Variants in CSNK2A2 observed in about 807,000 individuals in gnomAD.
CSNK2A2 encodes casein kinase II subunit alpha'.
CSNK2A2 carries 8 observed loss-of-function variants against 54.0 expected under a neutral mutation model. The observed-to-expected ratio is 0.15, with a 90% confidence interval of 0.09 to 0.27. The LOEUF is 0.27. Ranked by LOEUF, CSNK2A2 falls within the 10% of genes least tolerant of loss-of-function variation. The pLI is 1.00. For synonymous variants in CSNK2A2, 141 were observed against 153.9 expected, an observed-to-expected ratio of 0.92 and a Z score of 0.62; for missense variants, 242 against 439.4, an observed-to-expected ratio of 0.55 and a Z score of 4.02.
At chr16:58,161,320 G>A (rs1455512923) in intron 11 of CSNK2A2, 2 of 152,174 alleles carry the variant, frequency 1.3e-5, no homozygotes, top group Admixed American at 6.6e-5. Context: ...TACCTGAGAT[G>A]ATAGTATAAC....
At chr16:58,174,600 A>G in intron 4 of CSNK2A2, 90 bp from the exon 5 acceptor site, 1 of 910,516 alleles carries the variant, frequency 1.1e-6, no homozygotes, top group Non-Finnish European at 1.7e-6. Flanking sequence ...CTTATTTGAT[A>G]CTTAAGTGAC....
At chr16:58,177,574 C>G (rs1231408992) in intron 4 of CSNK2A2, among the ~76,000 whole-genome samples, 1 of 152,128 alleles carries the variant, frequency 6.6e-6, no homozygotes, top group Non-Finnish European at 1.5e-5. Context: ...TCACCATGAG[C>G]CACAGATCTG....
chr16:58,165,767 T>C, intron 9 of CSNK2A2, 59 bp from the exon 10 acceptor site: 1 of 1,550,618 alleles, frequency 6.4e-7, no homozygotes, highest in Non-Finnish European at 8.7e-7. Context: ...AATCCTTATC[T>C]ACTAGGGCTA....
chr16:58,165,299 G>C (rs2242445), intron 10 of CSNK2A2, among the ~76,000 whole-genome samples: 1 of 152,050 alleles, frequency 6.6e-6, no homozygotes, highest in Non-Finnish European at 1.5e-5. Context: ...AGAAACTTGC[G>C]ATCTATTAAC....
At position 58,186,652 on chromosome 16, in the gene CSNK2A2, C is replaced by T. The variant is rs150965246; in HGVS notation, c.318+103G>A. On this transcript the variant is annotated intron_variant, in intron 3 of 11. Coordinates refer to ENST00000262506, the MANE Select transcript of CSNK2A2 (RefSeq NM_001896.4). ...ACCAGTCAGTAGTTAAAGACAAACA[C>T]CACCATCCCCACTGTATCATTACGT... 1.3e-4 allele frequency: 103 copies of T among 787,074 alleles called. 1 individual carries two copies. In the East Asian group the frequency reaches 1.9e-3, roughly 14 times the overall value. 48.8% of individuals were successfully genotyped at this position (787,074 alleles called of 1,614,324 possible).
At position 58,197,749 on chromosome 16, in the gene CSNK2A2, C is replaced by CG; in HGVS notation, c.-14dup. ...CCGGGCCGGGCATGGCGGGCGGGAC[C>CG]GGGGGGCGGCGCGGGGCGCAGAGGG... On this transcript the variant is annotated 5_prime_UTR_variant, in exon 1 of 12. Transcript: ENST00000262506. This position sits in a 1 kb window ranked among gnomAD's most constrained non-coding sequence, Gnocchi z 4.0. 10 of 1,193,300 alleles carry CG rather than the reference C, an allele frequency of 8.4e-6. No homozygotes were observed. The highest frequency in any genetic ancestry group is 3.0e-4 in the Middle Eastern group (1 of 3,336). The allele number at this position is 1,193,300 out of a possible 1,614,324, so 73.9% of individuals were successfully genotyped here.
chr16:58,174,845 T>C (rs529718905), intron 4 of CSNK2A2, among the ~76,000 whole-genome samples: 2 of 151,904 alleles, frequency 1.3e-5, no homozygotes, highest in African/African-American at 4.8e-5. Flanking sequence ...TGTCTTCACA[T>C]TCTTACCGAA....
chr16:58,179,735 G>A (rs535963170), intron 4 of CSNK2A2, among the ~76,000 whole-genome samples: 5 of 152,230 alleles, frequency 3.3e-5, no homozygotes, highest in African/African-American at 1.2e-4. Flanking sequence ...TGGGATACAC[G>A]TAAAATGACG....
At chr16:58,171,989 T>A (rs1339171108) in intron 5 of CSNK2A2, among the ~76,000 whole-genome samples, 6,331 of 76,950 alleles carry the variant, frequency 0.082, 327 homozygotes, top group African/African-American at 0.26. Flanking sequence ...ATTTTTTTTT[T>A]TTTTTTTTTT....
intron 2 of CSNK2A2, among the ~76,000 whole-genome samples, chr16:58,188,087 G>A (rs1962237314): frequency 6.6e-6 from 1 of 152,182 alleles, no homozygotes; most frequent in African/African-American, 2.4e-5. Flanking sequence ...ACATGCCAGA[G>A]AAACCTTCAT....
rs1396524505 is a variant in CSNK2A2, at chr16:58,197,597, A to T, written c.104+36T>A. ...AGGGGGTGGCCGGGCGGGGGCAGGG[A>T]TCAGCGGGCCCGGCGGGGGGCGGCG... On this transcript the variant is annotated intron_variant, in intron 1 of 11. Coordinates refer to ENST00000262506, the MANE Select transcript of CSNK2A2 (RefSeq NM_001896.4). The surrounding 1 kb of genome is among the most constrained non-coding windows in gnomAD (Gnocchi z 4.0). The T allele has an allele frequency of 7.0e-7, 1 of 1,425,884 alleles. No individual in the cohort carries two copies. The highest frequency in any genetic ancestry group is 9.5e-7 in the Non-Finnish European group (1 of 1,048,930). The allele number at this position is 1,425,884 out of a possible 1,614,324, so 88.3% of individuals were successfully genotyped here.
At chr16:58,182,224 A>C (rs185715771) in intron 4 of CSNK2A2, among the ~76,000 whole-genome samples, 177 of 152,068 alleles carry the variant, frequency 1.2e-3, no homozygotes, top group African/African-American at 4.0e-3. Context: ...AACAGAGCAG[A>C]TGTCACTTTA....
intron 1 of CSNK2A2, 101 bp from the exon 2 acceptor site, chr16:58,196,945 G>A: frequency 1.3e-6 from 1 of 792,790 alleles, no homozygotes. Context: ...GCAAACACTT[G>A]GAAGTGTCTA....
intron 2 of CSNK2A2, among the ~76,000 whole-genome samples, chr16:58,190,086 A>G (rs1345725025): frequency 6.6e-6 from 1 of 152,214 alleles, no homozygotes; most frequent in East Asian, 1.9e-4. Context: ...GAAAATACAT[A>G]TATTTCCACA....
At chr16:58,195,209 A>G (rs1327924156) in intron 2 of CSNK2A2, among the ~76,000 whole-genome samples, 1 of 150,368 alleles carries the variant, frequency 6.7e-6, no homozygotes, top group African/African-American at 2.4e-5. Context: ...TTGTGACTTC[A>G]TAAATGCAAT....
rs762619883 is a variant in CSNK2A2 at position 58,186,735 on chromosome 16, C to A, written c.318+20G>T. On this transcript the variant is annotated intron_variant, in intron 3 of 11. Transcript: ENST00000262506. ...ACACCCCGGTCTACTAGTATACTCCCCCAACCATTTGGCACCTACCACGGG... is the reference window on the plus strand; with the variant it reads ...ACACCCCGGTCTACTAGTATACTCCACCAACCATTTGGCACCTACCACGGG... The A allele has an allele frequency of 6.3e-7, 1 of 1,596,318 alleles. No homozygotes were observed. Among genetic ancestry groups the A allele is most frequent in the South Asian group, 1.1e-5 (1 of 90,528 alleles).
intron 2 of CSNK2A2, among the ~76,000 whole-genome samples, chr16:58,195,761 G>A (rs1962428383): frequency 6.6e-6 from 1 of 152,182 alleles, no homozygotes; most frequent in African/African-American, 2.4e-5. Context: ...TCATCAAAGA[G>A]ATAACGTCAT....
intron 2 of CSNK2A2, among the ~76,000 whole-genome samples, chr16:58,196,017 A>G (rs960218599): frequency 3.3e-5 from 5 of 152,236 alleles, no homozygotes; most frequent in African/African-American, 1.2e-4. Flanking sequence ...GGCTTGAAAT[A>G]CATTTCTGAA....
chr16:58,182,009 T>C (rs985610842), intron 4 of CSNK2A2, among the ~76,000 whole-genome samples: 1 of 152,156 alleles, frequency 6.6e-6, no homozygotes, highest in Non-Finnish European at 1.5e-5. Context: ...TAGAACTCTA[T>C]ACCCTAGCAA....
Sources: gnomAD v4.1 joint callset for allele counts (sites outside exome capture counted in the v4.1 genomes callset) on GRCh38, gnomAD v4.1.1 for gene constraint, Gnocchi (gnomAD v3.1) non-coding constraint, MANE v1.5 for transcripts, NCBI Gene and HGNC (gene_info 2026-07-23, HGNC 2026-07-21) for gene names.